UGT2A2: variants seen among roughly 807,000 people sequenced by gnomAD.
UGT2A2 encodes the protein UDP-glucuronosyltransferase 2A2.
UGT2A2 carries 60 observed loss-of-function variants against 50.7 expected under a neutral mutation model. The observed-to-expected ratio is 1.18, with a 90% CI of 0.96 to 1.47. The LOEUF is 1.47. Among genes scored for constraint, UGT2A2 ranks in the 40% most tolerant of loss-of-function variants. UGT2A2 has a pLI of 0.00. For synonymous variants in UGT2A2, 242 were observed against 214.6 expected (o/e 1.13, Z -1.11); for missense variants, 762 against 634.0 (o/e 1.20, Z -2.17).
At position 69,611,100 on chromosome 4, in the gene UGT2A2, G is replaced by A. The variant is rs1720010203; in HGVS notation, c.743-11706C>T. On this transcript the variant is annotated intron_variant, in intron 1 of 5. Transcript: ENST00000604629. ...TAATTTTAAAATAGGTAGAATAAAT[G>A]TTATCAGTGAAGTAAAAAAAGAAAT... Among the ~76,000 whole-genome samples, 7 of 142,016 alleles carry A rather than the reference G, an allele frequency of 4.9e-5. No homozygotes were observed. In the South Asian group the frequency reaches 1.4e-3, roughly 28 times the overall value. The allele number at this position is 142,016 out of a possible 152,430, so 93.2% of individuals were successfully genotyped here. A position where few individuals can be genotyped will look rare whatever the true frequency, so the allele number is the denominator to read the frequency against.
chr4:69,638,228 A>G (rs966840502), intron 1 of UGT2A2, among the ~76,000 whole-genome samples: 10 of 152,152 alleles, frequency 6.6e-5, no homozygotes, highest in African/African-American at 2.4e-4. Flanking sequence ...AGAGAAGGAA[A>G]TAAAAATATA....
chr4:69,625,220 T>A (rs115491921), intron 1 of UGT2A2, among the ~76,000 whole-genome samples: 4,372 of 151,038 alleles, frequency 0.029, 215 homozygotes, highest in African/African-American at 0.099. Flanking sequence ...ATTTTTCAGA[T>A]TTTCTTTTTA....
chr4:69,636,295 G>A (rs1721707222), intron 1 of UGT2A2, among the ~76,000 whole-genome samples: 1 of 152,110 alleles, frequency 6.6e-6, no homozygotes, highest in South Asian at 2.1e-4. Flanking sequence ...TTGTGTATCT[G>A]CCCTCTTTCA....
chr4:69,636,759 ATATAAG>A (rs1389496451), intron 1 of UGT2A2, among the ~76,000 whole-genome samples: 3 of 152,278 alleles, frequency 2.0e-5, no homozygotes, highest in African/African-American at 4.8e-5. Context: ...ATAACATTTA[ATATAAG>A]TATAATTCTT....
chr4:69,596,329 GA>G lies in UGT2A2; in HGVS notation c.943del (p.Ser315LeufsTer40). ...SSGKNGVVVF[S>X]LGSMVKNLTE... ...AAGGTTTTTGACCATTGATCCCAGA[GA>G]AAACACCACAACACCATTTTTACCT... On this transcript the variant is annotated frameshift_variant, in exon 3 of 6. Transcript: ENST00000604629. LOFTEE classifies it high-confidence loss of function. The G allele has an allele frequency of 6.2e-7, 1 of 1,607,692 alleles. No individual in the cohort carries two copies. Among genetic ancestry groups the G allele is most frequent in the Non-Finnish European group, 8.5e-7 (1 of 1,176,200 alleles).
intron 1 of UGT2A2, among the ~76,000 whole-genome samples, chr4:69,605,087 G>A (rs1383603524): frequency 7.3e-6 from 1 of 136,932 alleles, no homozygotes; most frequent in Non-Finnish European, 1.6e-5. Flanking sequence ...CACATCTACA[G>A]AATTATCCAC....
chr4:69,604,972 A>G lies in UGT2A2; in HGVS notation c.743-5578T>C, dbSNP rs911427465. ...CTTAGACTCCCACACAATAATAATGAGAGACTTTGACACCCCACTGTCAAC... is the reference window on the plus strand; with the variant it reads ...CTTAGACTCCCACACAATAATAATGGGAGACTTTGACACCCCACTGTCAAC... On this transcript the variant is annotated intron_variant, in intron 1 of 5. Coordinates refer to ENST00000604629, the MANE Select transcript of UGT2A2 (RefSeq NM_001105677.2). Among the ~76,000 whole-genome samples the G allele has an allele frequency of 5.4e-4, 74 of 136,230 alleles. 10 individuals are homozygous for G. Among genetic ancestry groups the G allele is most frequent in the Admixed American group, 4.3e-4 (6 of 13,828 alleles). The allele number at this position is 136,230 out of a possible 152,430, so 89.4% of individuals were successfully genotyped here. A position where few individuals can be genotyped will look rare whatever the true frequency, so the allele number is the denominator to read the frequency against.
chr4:69,617,602 T>C (rs929769254), intron 1 of UGT2A2, among the ~76,000 whole-genome samples: 1 of 151,834 alleles, frequency 6.6e-6, no homozygotes, highest in African/African-American at 2.4e-5. Context: ...GCTAGTGCTA[T>C]CTATAAGTTA....
intron 1 of UGT2A2, among the ~76,000 whole-genome samples, chr4:69,620,512 CATAGATAGGAATA>C (rs1396272622): frequency 6.6e-6 from 1 of 151,870 alleles, no homozygotes; most frequent in African/African-American, 2.4e-5. Context: ...ATTTCATGCT[CATAGATAGGAATA>C]ATCGATATCA....
rs549554939 is a variant in UGT2A2 at position 69,635,115 on chromosome 4, A to G, written c.742+3784T>C. Among the ~76,000 whole-genome samples the G allele has an allele frequency of 7.3e-4, 111 of 152,302 alleles. 1 individual carries two copies. Among genetic ancestry groups the G allele is most frequent in the African/African-American group, 2.4e-3 (100 of 41,562 alleles). ...CTACTATGTACCCACAAGAAAGTTT[A>G]AAAATAAAAATAAAAATAAATTTAA... On this transcript the variant is annotated intron_variant, in intron 1 of 5. Coordinates refer to ENST00000604629, the MANE Select transcript of UGT2A2 (RefSeq NM_001105677.2).
intron 1 of UGT2A2, among the ~76,000 whole-genome samples, chr4:69,604,709 T>G (rs1719499399): frequency 1.5e-5 from 2 of 135,872 alleles, no homozygotes; most frequent in Non-Finnish European, 3.1e-5. Flanking sequence ...AGGCTCAAAA[T>G]AAAGTGATGG....
At chr4:69,603,661 A>C (rs1218089089) in intron 1 of UGT2A2, 1 of 136,118 alleles carries the variant, frequency 7.3e-6, no homozygotes, top group African/African-American at 3.0e-5. Flanking sequence ...AGAGGTTAAA[A>C]ACCTTGAAAA....
chr4:69,618,199 G>GTGTGTGTGTGTGTATGTT (rs1250385665), intron 1 of UGT2A2, among the ~76,000 whole-genome samples: 3 of 87,058 alleles, frequency 3.4e-5, no homozygotes, highest in African/African-American at 1.3e-4. Context: ...GTGTGTGTGT[G>GTGTGTGTGTGTGTATGTT]TGTGTGTGTG....
intron 2 of UGT2A2, among the ~76,000 whole-genome samples, chr4:69,598,965 G>A (rs1177518804): frequency 6.6e-6 from 1 of 152,102 alleles, no homozygotes; most frequent in African/African-American, 2.4e-5. Flanking sequence ...TAATTTCTAT[G>A]ATCTGGTTTT....
intron 1 of UGT2A2, among the ~76,000 whole-genome samples, chr4:69,637,032 C>T (rs1202727453): frequency 6.6e-6 from 1 of 152,000 alleles, no homozygotes; most frequent in Non-Finnish European, 1.5e-5. Flanking sequence ...AATCACTATC[C>T]AATACATAGC....
chr4:69,590,378 C>T (rs1025333311), intron 5 of UGT2A2, among the ~76,000 whole-genome samples: 1 of 152,122 alleles, frequency 6.6e-6, no homozygotes, highest in Admixed American at 6.6e-5. Context: ...TGGATATCTA[C>T]ATATTTAAAA....
intron 1 of UGT2A2, among the ~76,000 whole-genome samples, chr4:69,609,727 A>G (rs1181645315): frequency 1.3e-5 from 2 of 152,126 alleles, no homozygotes; most frequent in African/African-American, 4.8e-5. Context: ...GGGTGAAAAT[A>G]AATGGTTTAT....
chr4:69,589,707 A>G (rs1718482257), intron 5 of UGT2A2, 56 bp from the exon 6 acceptor site: 2 of 1,559,174 alleles, frequency 1.3e-6, no homozygotes, highest in Non-Finnish European at 8.7e-7. Flanking sequence ...ATTTTCATTG[A>G]AGATAAATAT....
chr4:69,614,446 C>A (rs148338216), intron 1 of UGT2A2, among the ~76,000 whole-genome samples: 85 of 127,240 alleles, frequency 6.7e-4, no homozygotes, highest in African/African-American at 2.6e-3. Context: ...CAATAAAATT[C>A]TTCACAAATT....
Sources: gnomAD v4.1 joint callset for allele counts (sites outside exome capture counted in the v4.1 genomes callset) on GRCh38, gnomAD v4.1.1 for gene constraint, MANE v1.5 for transcripts, NCBI Gene and HGNC (gene_info 2026-07-23, HGNC 2026-07-21) for gene names.